NRG1: variants seen among roughly 807,000 people sequenced by gnomAD.
The protein encoded by NRG1 is pro-neuregulin-1, membrane-bound isoform.
NRG1 carries 18 observed loss-of-function variants against 63.8 expected under a neutral mutation model. The ratio of observed to expected loss-of-function variants is 0.28; its 90% CI spans 0.19 to 0.42. The LOEUF (loss-of-function observed/expected upper bound fraction) is 0.42, where lower values mean the gene tolerates loss of function less well. Among genes scored for constraint, NRG1 ranks in the 10% least tolerant of loss-of-function variants. The pLI, the probability that NRG1 is intolerant of heterozygous loss-of-function variation, is 1.00. For synonymous variants in NRG1, 302 were observed against 301.3 expected, an observed-to-expected ratio of 1.00 and a Z score of -0.02; for missense variants, 762 against 814.7, an observed-to-expected ratio of 0.94 and a Z score of 0.79.
intron 11 of NRG1, chr8:32,763,486 A>G: frequency 8.4e-7 from 1 of 1,190,756 alleles, no homozygotes; most frequent in Non-Finnish European, 1.2e-6. Context: ...TATAATTGTG[A>G]TGAGATTGAA....
intron 1 of NRG1, among the ~76,000 whole-genome samples, chr8:31,912,649 T>C (rs1362369972): frequency 6.6e-6 from 1 of 151,360 alleles, no homozygotes; most frequent in African/African-American, 2.4e-5. Flanking sequence ...AGATGTTCTT[T>C]GTAGGAGAAA....
chr8:32,257,444 TTCTTGAGAGGATC>T (rs1849856657), intron 1 of NRG1, among the ~76,000 whole-genome samples: 1 of 152,240 alleles, frequency 6.6e-6, no homozygotes, highest in African/African-American at 2.4e-5. Context: ...CACATTCAAC[TTCTTGAGAGGATC>T]TCTTTGATAA....
At chr8:32,022,053 T>TTTG (rs148349913) in intron 1 of NRG1, among the ~76,000 whole-genome samples, 1,567 of 152,082 alleles carry the variant, frequency 0.01, 29 homozygotes, top group African/African-American at 0.036. Flanking sequence ...TTCCAGGTAT[T>TTTG]TTGTTGTTGT....
intron 5 of NRG1, among the ~76,000 whole-genome samples, chr8:32,683,405 A>T (rs1009942134): frequency 2.0e-5 from 3 of 152,204 alleles, no homozygotes; most frequent in Admixed American, 2.0e-4. Context: ...TGTAGATGCA[A>T]ATTGGCATCA....
intron 1 of NRG1, among the ~76,000 whole-genome samples, chr8:32,283,578 A>G (rs1853144746): frequency 6.6e-6 from 1 of 152,322 alleles, no homozygotes; most frequent in Admixed American, 6.5e-5. Flanking sequence ...ACAAAACATC[A>G]GAAGATGAAG....
At chr8:32,371,310 C>G (rs1329140285) in intron 1 of NRG1, among the ~76,000 whole-genome samples, 1 of 152,182 alleles carries the variant, frequency 6.6e-6, no homozygotes, top group Non-Finnish European at 1.5e-5. Context: ...ACATTTGACA[C>G]AGAAACACAT....
chr8:32,639,150 A>G (rs1317189760), intron 5 of NRG1, among the ~76,000 whole-genome samples: 1 of 152,180 alleles, frequency 6.6e-6, no homozygotes, highest in Non-Finnish European at 1.5e-5. Context: ...TCATGCCTAT[A>G]ATCCTAGCAC....
At chr8:31,639,848 C>G (rs757679493) in intron 1 of NRG1, 1 of 1,141,054 alleles carries the variant, frequency 8.8e-7, no homozygotes. Flanking sequence ...CCCTGCACCC[C>G]CAATAAATAA....
chr8:32,254,942 C>G (rs1294559768), intron 1 of NRG1, among the ~76,000 whole-genome samples: 1 of 152,112 alleles, frequency 6.6e-6, no homozygotes, highest in East Asian at 1.9e-4. Context: ...ATCTCTTTAC[C>G]ATTACATAAT....
intron 1 of NRG1, among the ~76,000 whole-genome samples, chr8:31,846,006 C>T (rs1307636694): frequency 6.6e-6 from 1 of 151,974 alleles, no homozygotes; most frequent in Non-Finnish European, 1.5e-5. Flanking sequence ...TGTTGATATC[C>T]ATGGCAGAGA....
At chr8:32,573,699 T>C (rs572399740) in intron 1 of NRG1, among the ~76,000 whole-genome samples, 2 of 152,154 alleles carry the variant, frequency 1.3e-5, no homozygotes, top group Admixed American at 6.5e-5. Context: ...ATGTGCACAA[T>C]GTGCAGGTTT....
At chr8:31,869,406 A>G (rs1336100562) in intron 1 of NRG1, among the ~76,000 whole-genome samples, 3 of 152,178 alleles carry the variant, frequency 2.0e-5, no homozygotes, top group African/African-American at 4.8e-5. Flanking sequence ...TTCTAGGTTC[A>G]GAGTCATCTC....
chr8:31,752,714 G>A (rs1816607441), intron 1 of NRG1, among the ~76,000 whole-genome samples: 4 of 151,992 alleles, frequency 2.6e-5, no homozygotes. Context: ...AATTGCAGTG[G>A]GGCTGAGACT....
intron 1 of NRG1, among the ~76,000 whole-genome samples, chr8:32,329,314 G>A (rs900745613): frequency 1.3e-5 from 2 of 152,102 alleles, no homozygotes; most frequent in Non-Finnish European, 2.9e-5. Context: ...TGTTAACCAT[G>A]ATCTCAAAAT....
intron 1 of NRG1, among the ~76,000 whole-genome samples, chr8:32,201,744 G>T (rs145327314): frequency 3.9e-5 from 6 of 152,120 alleles, no homozygotes; most frequent in Non-Finnish European, 7.4e-5. Context: ...TAAATAGACC[G>T]TAGAAAATAA....
intron 1 of NRG1, among the ~76,000 whole-genome samples, chr8:31,909,383 A>G (rs777017756): frequency 6.6e-5 from 10 of 152,104 alleles, no homozygotes; most frequent in Non-Finnish European, 1.3e-4. Flanking sequence ...GGTAGGCAGC[A>G]GAGGTCTTGA....
intron 1 of NRG1, among the ~76,000 whole-genome samples, chr8:32,090,109 G>A (rs936078884): frequency 2.6e-5 from 4 of 152,076 alleles, no homozygotes; most frequent in African/African-American, 9.7e-5. Flanking sequence ...CCTCTTAAAG[G>A]TTATAAGATA....
intron 1 of NRG1, among the ~76,000 whole-genome samples, chr8:31,770,265 T>G (rs1466228452): frequency 6.6e-6 from 1 of 152,166 alleles, no homozygotes; most frequent in East Asian, 1.9e-4. Flanking sequence ...CTAAATTATT[T>G]ATAGTTAAAC....
chr8:32,145,459 C>T (rs75693782), intron 1 of NRG1, among the ~76,000 whole-genome samples: 6,096 of 152,250 alleles, frequency 0.04, 186 homozygotes, highest in Middle Eastern at 0.092. Flanking sequence ...TTCCCCAAGT[C>T]CAATACTCAG....
Sources: gnomAD v4.1 joint callset for allele counts (sites outside exome capture counted in the v4.1 genomes callset) on GRCh38, gnomAD v4.1.1 for gene constraint, MANE v1.5 for transcripts, NCBI Gene and HGNC (gene_info 2026-07-23, HGNC 2026-07-21) for gene names.